The following SMOC1 variants were observed in gnomAD, a reference collection of about 807,000 sequenced individuals.
The protein encoded by SMOC1 is SPARC-related modular calcium-binding protein 1.
A neutral mutation model predicts 56.3 loss-of-function variants in SMOC1; 22 were observed. The ratio of observed to expected loss-of-function variants is 0.39; its 90% CI spans 0.28 to 0.56. The LOEUF (loss-of-function observed/expected upper bound fraction) is 0.56. SMOC1 is among the 20% of genes least tolerant of loss of function. The pLI, the probability that SMOC1 is intolerant of heterozygous loss-of-function variation, is 0.61. For missense variants in SMOC1, 509 were observed against 565.4 expected (o/e 0.90, Z 1.01); for synonymous variants, 193 against 215.0 (o/e 0.90, Z 0.89).
intron 1 of SMOC1, among the ~76,000 whole-genome samples, chr14:69,921,260 G>A (rs981748101): frequency 8.5e-5 from 13 of 152,160 alleles, no homozygotes; most frequent in Non-Finnish European, 1.8e-4. Flanking sequence ...TACATCATGG[G>A]CAAGATCTTG....
At chr14:69,975,894 C>T in intron 4 of SMOC1, 80 bp downstream of exon 4, 2 of 989,398 alleles carry the variant, frequency 2.0e-6, no homozygotes, top group South Asian at 1.3e-5. Context: ...TGTGGGAGAA[C>T]CTTTAGAAGG....
At chr14:69,931,315 G>A (rs750282784) in intron 1 of SMOC1, among the ~76,000 whole-genome samples, 2 of 152,182 alleles carry the variant, frequency 1.3e-5, no homozygotes, top group Non-Finnish European at 2.9e-5. Context: ...GGCAGCCTGA[G>A]TCCCGCTCCC....
intron 3 of SMOC1, among the ~76,000 whole-genome samples, chr14:69,962,793 T>A (rs1883432633): frequency 6.6e-6 from 1 of 151,878 alleles, no homozygotes; most frequent in East Asian, 1.9e-4. Flanking sequence ...CCCAGGCTGG[T>A]CTTGAACTCC....
intron 7 of SMOC1, among the ~76,000 whole-genome samples, chr14:69,997,869 C>T (rs528326714): frequency 1.1e-4 from 17 of 152,204 alleles, no homozygotes; most frequent in African/African-American, 2.2e-4. Context: ...CCTGCATCCC[C>T]GGGGAGGTTG....
In SMOC1 at chr14:70,023,223, G is replaced by A. The variant is rs1390848313; in HGVS notation, c.1067G>A (p.Ser356Asn). 1 of 1,614,124 alleles carries A rather than the reference G, an allele frequency of 6.2e-7. No homozygotes were observed. The highest frequency in any genetic ancestry group is 1.7e-4 in the Middle Eastern group (1 of 6,058). ...GGGRFSEPDP[S>N]HTLEERVVHW... is the part of the protein sequence containing the mutation. ...CCCAGGTTCTCAGAGCCAGACCCCA[G>A]CCACACCCTGGAGGAGCGGGTAGTG... Residue 356 changes from serine to asparagine, a missense_variant, in exon 11 of 12, where the codon AGC (serine) becomes AAC (asparagine). Physicochemically the swap from Ser to Asn is conservative, Grantham distance 46 (BLOSUM62 1). Transcript: ENST00000361956.
chr14:70,010,468 A>G (rs745845748), intron 7 of SMOC1, among the ~76,000 whole-genome samples: 1 of 152,250 alleles, frequency 6.6e-6, no homozygotes, highest in African/African-American at 2.4e-5. Flanking sequence ...GAGAAGGGGC[A>G]TCCCTGGAGT....
rs150902763 is a variant in SMOC1, at chr14:69,879,915, GC to G, written c.99+139del. ...CTGTCTACTACCAGGTCCCCTGCGGGCTTGGTGAAGTTGCTGAAATATTTTT... is the reference window on the plus strand; with the variant it reads ...CTGTCTACTACCAGGTCCCCTGCGGGTTGGTGAAGTTGCTGAAATATTTTT... On this transcript the variant is annotated intron_variant, in intron 1 of 11. Coordinates refer to ENST00000361956, the MANE Select transcript of SMOC1 (RefSeq NM_001034852.3). The G allele has an allele frequency of 4.4e-4, 324 of 736,558 alleles. 2 individuals carry two copies. In the African/African-American group the frequency reaches 5.7e-3, roughly 13 times the overall value. 45.6% of individuals were successfully genotyped at this position (736,558 alleles called of 1,614,324 possible). A position where few individuals can be genotyped will look rare whatever the true frequency, so the allele number is the denominator to read the frequency against.
intron 3 of SMOC1, among the ~76,000 whole-genome samples, chr14:69,954,127 A>G (rs1883105763): frequency 6.6e-6 from 1 of 152,114 alleles, no homozygotes; most frequent in African/African-American, 2.4e-5. Context: ...TGTCAAAGTA[A>G]TGCTGACTGT....
chr14:70,026,270 G>C (rs142737399), intron 11 of SMOC1, among the ~76,000 whole-genome samples: 28 of 152,316 alleles, frequency 1.8e-4, no homozygotes, highest in African/African-American at 6.3e-4. Flanking sequence ...GGGCACTCCT[G>C]GGCTAAGCGA....
chr14:69,954,770 G>A (rs747643867), intron 3 of SMOC1, among the ~76,000 whole-genome samples: 23 of 152,170 alleles, frequency 1.5e-4, no homozygotes, highest in Non-Finnish European at 2.5e-4. Flanking sequence ...TCTTAGAGCC[G>A]GGGCAGAGGC....
intron 2 of SMOC1, among the ~76,000 whole-genome samples, chr14:69,952,871 G>A (rs1188064925): frequency 2.6e-5 from 4 of 152,162 alleles, no homozygotes; most frequent in Non-Finnish European, 5.9e-5. Flanking sequence ...CAGTCTTACA[G>A]CACTCCCTAT....
At chr14:69,892,870 A>G (rs895498721) in intron 1 of SMOC1, among the ~76,000 whole-genome samples, 1 of 152,234 alleles carries the variant, frequency 6.6e-6, no homozygotes, top group Admixed American at 6.5e-5. Flanking sequence ...AATAATCAAC[A>G]TTCAAATTTC....
intron 1 of SMOC1, among the ~76,000 whole-genome samples, chr14:69,919,922 C>A (rs1417603173): frequency 1.6e-5 from 2 of 128,698 alleles, no homozygotes; most frequent in African/African-American, 2.8e-5. Context: ...CCCCCCCCCC[C>A]TTTCTCCCCT....
chr14:70,026,128 G>GA (rs1885914737), intron 11 of SMOC1, among the ~76,000 whole-genome samples: 1 of 152,178 alleles, frequency 6.6e-6, no homozygotes, highest in Non-Finnish European at 1.5e-5. Context: ...ATGAATGGAT[G>GA]GGGGGGTTGC....
chr14:69,921,692 G>A (rs1467436541), intron 1 of SMOC1, among the ~76,000 whole-genome samples: 1 of 152,184 alleles, frequency 6.6e-6, no homozygotes, highest in African/African-American at 2.4e-5. Context: ...TAACATAAGA[G>A]CATTCCCAGG....
At chr14:70,029,672 G>A (rs1384779551) in intron 11 of SMOC1, among the ~76,000 whole-genome samples, 1 of 152,194 alleles carries the variant, frequency 6.6e-6, no homozygotes, top group Non-Finnish European at 1.5e-5. Flanking sequence ...TTTGTTGCAG[G>A]TGGTAGCCTT....
chr14:69,970,813 A>G (rs1356375240), intron 3 of SMOC1, among the ~76,000 whole-genome samples: 1 of 152,164 alleles, frequency 6.6e-6, no homozygotes, highest in Admixed American at 6.5e-5. Context: ...ACATCCTTCC[A>G]GGTGTTCAGA....
In SMOC1 at chr14:70,030,392, T is replaced by A; in HGVS notation, c.*134T>A. On this transcript the variant is annotated 3_prime_UTR_variant, in exon 12 of 12. Transcript: ENST00000361956. Reference sequence around the variant, plus strand: ...GTGGTGCCCACCATGTTTGCACTTTTAATAACTCTTACTTGCGTGTTTTGT... The same window carrying A: ...GTGGTGCCCACCATGTTTGCACTTTAAATAACTCTTACTTGCGTGTTTTGT... The A allele has an allele frequency of 9.1e-7, 1 of 1,095,230 alleles. No homozygotes were observed. The highest frequency in any genetic ancestry group is 1.3e-6 in the Non-Finnish European group (1 of 740,916). 67.8% of individuals were successfully genotyped at this position (1,095,230 alleles called of 1,614,324 possible).
intron 7 of SMOC1, 137 bp from the exon 8 acceptor site, chr14:70,010,617 A>C: frequency 3.4e-6 from 3 of 874,342 alleles, no homozygotes; most frequent in Non-Finnish European, 5.6e-6. Context: ...TCTCTGTGGT[A>C]ATTCATCAAT....
Sources: allele counts gnomAD v4.1 joint callset (sites outside exome capture counted in the v4.1 genomes callset), GRCh38; gene constraint gnomAD v4.1.1; transcripts MANE v1.5; gene names NCBI Gene and HGNC (gene_info 2026-07-23, HGNC 2026-07-21).